The following WWC2 variants were observed in gnomAD, a reference collection of about 807,000 sequenced individuals.
The protein encoded by WWC2 is protein WWC2.
A neutral mutation model predicts 138.5 loss-of-function variants in WWC2; 101 were observed. That is an observed-to-expected ratio of 0.73 (90% CI 0.62 to 0.86). The LOEUF (loss-of-function observed/expected upper bound fraction) is 0.86. Ranked by LOEUF, WWC2 falls within the 40% of genes least tolerant of loss-of-function variation. WWC2 has a pLI of 0.00. For missense variants in WWC2, 1,420 were observed against 1,419.4 expected (o/e 1.00, Z -0.01); for synonymous variants, 558 against 538.4 (o/e 1.04, Z -0.50).
chr4:183,154,010 A>AC (rs1400268539), intron 1 of WWC2, among the ~76,000 whole-genome samples: 3 of 148,696 alleles, frequency 2.0e-5, no homozygotes, highest in African/African-American at 7.7e-5. Flanking sequence ...AGCAAAAAAA[A>AC]AAAAAAAAAA....
intron 4 of WWC2, among the ~76,000 whole-genome samples, chr4:183,224,168 A>G (rs1560852020): frequency 1.3e-5 from 2 of 152,150 alleles, no homozygotes; most frequent in African/African-American, 2.4e-5. Flanking sequence ...CTTTGTTCCT[A>G]TAATTCCTGT....
chr4:183,239,736 G>A (rs533683725), intron 4 of WWC2, among the ~76,000 whole-genome samples: 1 of 152,292 alleles, frequency 6.6e-6, no homozygotes, highest in East Asian at 1.9e-4. Flanking sequence ...GCTAGCATTG[G>A]AGGGACAGGG....
At chr4:183,185,146 C>T (rs1009000409) in intron 1 of WWC2, among the ~76,000 whole-genome samples, 13 of 152,198 alleles carry the variant, frequency 8.5e-5, no homozygotes, top group African/African-American at 3.1e-4. Context: ...TCTACTGAGT[C>T]GGAAACTTTG....
chr4:183,178,670 T>C lies in WWC2; in HGVS notation c.132-14929T>C, dbSNP rs569332926. ...GCTATTAAGGCTGAGTTAGTTCTTATAACTCTCCACTGACAGCAGCTGTGC... is the reference window on the plus strand; with the variant it reads ...GCTATTAAGGCTGAGTTAGTTCTTACAACTCTCCACTGACAGCAGCTGTGC... On this transcript the variant is annotated intron_variant, in intron 1 of 22. Transcript: ENST00000403733. Among the ~76,000 whole-genome samples the C allele has an allele frequency of 2.6e-4, 39 of 152,184 alleles. No homozygotes were observed. The South Asian group carries it at 6.8e-3, about 27-fold the overall frequency.
At chr4:183,289,255 C>T (rs966415413) in intron 20 of WWC2, 138 bp from the exon 21 acceptor site, 6 of 1,295,678 alleles carry the variant, frequency 4.6e-6, no homozygotes, top group South Asian at 3.1e-5. Context: ...TGGGCCAGAG[C>T]GAGTTGCTCC....
At chr4:183,105,049 G>A (rs913249343) in intron 1 of WWC2, among the ~76,000 whole-genome samples, 2 of 152,158 alleles carry the variant, frequency 1.3e-5, no homozygotes, top group Non-Finnish European at 2.9e-5. Context: ...TGGGATTACA[G>A]GTGCACGCCA....
At chr4:183,276,993 A>G (rs1348473360) in intron 16 of WWC2, among the ~76,000 whole-genome samples, 1 of 150,550 alleles carries the variant, frequency 6.6e-6, no homozygotes, top group African/African-American at 2.4e-5. Flanking sequence ...TATTATTATT[A>G]TTATACTTTA....
intron 1 of WWC2, among the ~76,000 whole-genome samples, chr4:183,103,982 C>T (rs1380805312): frequency 1.3e-5 from 2 of 151,648 alleles, no homozygotes; most frequent in Non-Finnish European, 2.9e-5. Flanking sequence ...TTTTTTGAGA[C>T]AGAGTCTCAC....
At chr4:183,183,909 A>G (rs1380711978) in intron 1 of WWC2, among the ~76,000 whole-genome samples, 3 of 152,136 alleles carry the variant, frequency 2.0e-5, no homozygotes, top group Non-Finnish European at 4.4e-5. Flanking sequence ...TGTTTTTACT[A>G]TCTTTTGTGA....
At chr4:183,175,645 C>T (rs1304013111) in intron 1 of WWC2, among the ~76,000 whole-genome samples, 34 of 152,140 alleles carry the variant, frequency 2.2e-4, no homozygotes, top group Admixed American at 2.2e-3. Flanking sequence ...TGTTATTTCT[C>T]TTTTGGACTA....
chr4:183,248,323 T>TA (rs939599619), intron 6 of WWC2, among the ~76,000 whole-genome samples: 2 of 152,246 alleles, frequency 1.3e-5, no homozygotes, highest in African/African-American at 4.8e-5. Flanking sequence ...TTACTGTATC[T>TA]AAAATGAGAG....
At chr4:183,221,004 TA>T (rs1735920635) in intron 4 of WWC2, among the ~76,000 whole-genome samples, 1 of 152,102 alleles carries the variant, frequency 6.6e-6, no homozygotes. Context: ...ATGCTCCAAT[TA>T]AAAGGCAAAG....
intron 1 of WWC2, among the ~76,000 whole-genome samples, chr4:183,164,481 A>C (rs1734080809): frequency 6.7e-6 from 1 of 149,724 alleles, no homozygotes; most frequent in Non-Finnish European, 1.5e-5. Context: ...AGAGATTAGG[A>C]GTTGATCTTC....
At chr4:183,229,913 C>T (rs1736192141) in intron 4 of WWC2, among the ~76,000 whole-genome samples, 1 of 152,032 alleles carries the variant, frequency 6.6e-6, no homozygotes, top group Non-Finnish European at 1.5e-5. Context: ...TAACCTCCAC[C>T]TCCTGGGCTC....
intron 16 of WWC2, among the ~76,000 whole-genome samples, chr4:183,280,080 C>T (rs556175240): frequency 6.6e-6 from 1 of 152,042 alleles, no homozygotes; most frequent in African/African-American, 2.4e-5. Context: ...TATCTTCCTC[C>T]AGAGAGGATT....
intron 1 of WWC2, among the ~76,000 whole-genome samples, chr4:183,139,288 A>T (rs952897225): frequency 1.3e-5 from 2 of 152,178 alleles, no homozygotes; most frequent in Non-Finnish European, 2.9e-5. Flanking sequence ...ATCTAATCGT[A>T]GGTTTAAATT....
intron 21 of WWC2, among the ~76,000 whole-genome samples, chr4:183,308,735 A>G (rs1560898392): frequency 6.6e-6 from 1 of 152,204 alleles, no homozygotes; most frequent in East Asian, 1.9e-4. Context: ...TTTAAATACT[A>G]TGTAAATAAT....
At chr4:183,101,862 A>G (rs1483935856) in intron 1 of WWC2, among the ~76,000 whole-genome samples, 1 of 152,230 alleles carries the variant, frequency 6.6e-6, no homozygotes, top group African/African-American at 2.4e-5. Flanking sequence ...AAGCCATTTA[A>G]TTAGAATGGT....
At chr4:183,141,637 A>T (rs1733303616) in intron 1 of WWC2, among the ~76,000 whole-genome samples, 1 of 152,140 alleles carries the variant, frequency 6.6e-6, no homozygotes, top group South Asian at 2.1e-4. Context: ...CAAAATACTT[A>T]TTTCAAAGTA....
Sources: gnomAD v4.1 joint callset for allele counts (sites outside exome capture counted in the v4.1 genomes callset) on GRCh38, gnomAD v4.1.1 for gene constraint, MANE v1.5 for transcripts, NCBI Gene and HGNC (gene_info 2026-07-23, HGNC 2026-07-21) for gene names.